The following TSNARE1 variants were observed in gnomAD, a reference collection of about 807,000 sequenced individuals.
The protein encoded by TSNARE1 is t-SNARE domain-containing protein 1.
A neutral mutation model predicts 62.0 loss-of-function variants in TSNARE1; 49 were observed. The ratio of observed to expected loss-of-function variants is 0.79; its 90% CI spans 0.63 to 1.00. TSNARE1 has a LOEUF of 1.00. Ranked by LOEUF, TSNARE1 falls within the 50% of genes least tolerant of loss-of-function variation. TSNARE1 has a pLI of 0.00. For synonymous variants in TSNARE1, 328 were observed against 294.4 expected (o/e 1.11, Z -1.17); for missense variants, 755 against 700.1 (o/e 1.08, Z -0.88).
chr8:142,217,142 C>G (rs1815877375), intron 13 of TSNARE1, among the ~76,000 whole-genome samples: 1 of 151,914 alleles, frequency 6.6e-6, no homozygotes, highest in Non-Finnish European at 1.5e-5. Context: ...ACTCAGGAGG[C>G]TGAGGCAAGA....
In TSNARE1 at chr8:142,331,701, G is replaced by A; in HGVS notation, c.823+53C>T. ...CACCCTCGCCTCCAATGTCGCATCA[G>A]TGGTCCAGGGTGCCTGGATGGAGGG... is the stretch of plus-strand genomic sequence containing the variant. On this transcript the variant is annotated intron_variant, in intron 5 of 13. Coordinates refer to ENST00000524325, the MANE Select transcript of TSNARE1 (RefSeq NM_145003.5). 3 of 1,504,406 alleles carry A rather than the reference G, an allele frequency of 2.0e-6. No homozygotes were observed. In the East Asian group the frequency reaches 7.3e-5, roughly 37 times the overall value. The allele number at this position is 1,504,406 out of a possible 1,614,324, so 93.2% of individuals were successfully genotyped here.
At chr8:142,223,337 C>CTCGT (rs1816586090) in intron 13 of TSNARE1, among the ~76,000 whole-genome samples, 1 of 150,850 alleles carries the variant, frequency 6.6e-6, no homozygotes, top group African/African-American at 2.4e-5. Context: ...CACTCGTTCA[C>CTCGT]TCATTCACTC....
intron 12 of TSNARE1, chr8:142,271,410 C>T (rs1309651531): frequency 8.0e-7 from 1 of 1,244,240 alleles, no homozygotes; most frequent in Non-Finnish European, 1.0e-6. Context: ...CGGTGGGAGT[C>T]CAGCAGCTGC....
chr8:142,392,902 T>C (rs963018961), intron 1 of TSNARE1, among the ~76,000 whole-genome samples: 5 of 146,100 alleles, frequency 3.4e-5, no homozygotes, highest in South Asian at 2.1e-4. Flanking sequence ...ATTGCACCAC[T>C]GCACTCCAGC....
At chr8:142,310,441 T>A (rs1298043457) in intron 9 of TSNARE1, among the ~76,000 whole-genome samples, 2 of 151,364 alleles carry the variant, frequency 1.3e-5, no homozygotes, top group African/African-American at 2.5e-5. Context: ...CCACATCAAC[T>A]GTTTCCATTG....
At chr8:142,303,299 C>A (rs1029112318) in intron 9 of TSNARE1, among the ~76,000 whole-genome samples, 13 of 152,132 alleles carry the variant, frequency 8.5e-5, no homozygotes, top group African/African-American at 2.7e-4. Flanking sequence ...AGGGGGATCA[C>A]CTCCCCTGGA....
chr8:142,243,361 C>T (rs12545057), intron 12 of TSNARE1, among the ~76,000 whole-genome samples: 86,196 of 151,582 alleles, frequency 0.57, 26,591 homozygotes, highest in African/African-American at 0.82. Flanking sequence ...TAAGTGTCCC[C>T]CCAAAGTCGG....
At chr8:142,312,642 T>C (rs1054464102) in intron 9 of TSNARE1, among the ~76,000 whole-genome samples, 2 of 152,164 alleles carry the variant, frequency 1.3e-5, no homozygotes, top group African/African-American at 4.8e-5. Context: ...GTAAAGTACT[T>C]GTTGCTTGAC....
intron 1 of TSNARE1, among the ~76,000 whole-genome samples, chr8:142,361,280 G>A (rs994109547): frequency 1.3e-5 from 2 of 152,350 alleles, no homozygotes; most frequent in South Asian, 2.1e-4. Context: ...AAGCGGCATC[G>A]TGCTTGTCCC....
intron 12 of TSNARE1, among the ~76,000 whole-genome samples, chr8:142,260,091 C>G (rs1818781220): frequency 6.6e-6 from 1 of 151,990 alleles, no homozygotes; most frequent in African/African-American, 2.4e-5. Flanking sequence ...CTCCAGGAAG[C>G]CTCCCTTGAT....
intron 12 of TSNARE1, among the ~76,000 whole-genome samples, chr8:142,246,907 T>C (rs1307787746): frequency 6.6e-6 from 1 of 152,238 alleles, no homozygotes; most frequent in Non-Finnish European, 1.5e-5. Flanking sequence ...AAGACCATCA[T>C]GAAGGCTGCC....
At chr8:142,257,734 G>C (rs528535801) in intron 12 of TSNARE1, among the ~76,000 whole-genome samples, 11 of 152,060 alleles carry the variant, frequency 7.2e-5, no homozygotes, top group Non-Finnish European at 1.3e-4. Flanking sequence ...GCCTGGCCCT[G>C]GGGGTGCTAC....
chr8:142,320,078 C>T (rs1829251438), intron 6 of TSNARE1, among the ~76,000 whole-genome samples: 2 of 152,144 alleles, frequency 1.3e-5, no homozygotes, highest in Admixed American at 1.3e-4. Flanking sequence ...CCTCCTCACC[C>T]TGGGCTGCCA....
chr8:142,368,333 T>C lies in TSNARE1; in HGVS notation c.-39-13570A>G, dbSNP rs74387050. On this transcript the variant is annotated intron_variant, in intron 1 of 13. Transcript: ENST00000524325. ...AGGATATAAAACTGGTGCTTAAACA[T>C]GTGAAAAGATTGTTCAAGCTGACTC... Among the ~76,000 whole-genome samples, 922 of 152,050 alleles carry C rather than the reference T, an allele frequency of 6.1e-3. 7 individuals carry two copies. Among genetic ancestry groups the C allele is most frequent in the Non-Finnish European group, 9.0e-3 (609 of 67,996 alleles).
intron 12 of TSNARE1, among the ~76,000 whole-genome samples, chr8:142,265,413 G>C (rs1021416424): frequency 3.9e-5 from 6 of 152,196 alleles, no homozygotes; most frequent in Non-Finnish European, 8.8e-5. Context: ...CGTCTGAGTT[G>C]CTGGCATTTC....
At chr8:142,243,532 G>A (rs1335581042) in intron 12 of TSNARE1, among the ~76,000 whole-genome samples, 1 of 147,588 alleles carries the variant, frequency 6.8e-6, no homozygotes, top group Admixed American at 6.7e-5. Context: ...TCACTTATAC[G>A]TAAAATCTAA....
At chr8:142,245,093 A>C (rs1428791532) in intron 12 of TSNARE1, among the ~76,000 whole-genome samples, 1 of 152,248 alleles carries the variant, frequency 6.6e-6, no homozygotes, top group Non-Finnish European at 1.5e-5. Flanking sequence ...CCTCGTTAGT[A>C]ATCAGGGAAA....
intron 10 of TSNARE1, among the ~76,000 whole-genome samples, chr8:142,295,997 A>T (rs1394504443): frequency 1.8e-5 from 1 of 54,224 alleles, no homozygotes. Context: ...CTGTCATGGG[A>T]GGGGGGAGGT....
intron 13 of TSNARE1, among the ~76,000 whole-genome samples, chr8:142,219,062 G>A (rs1168157623): frequency 6.6e-6 from 1 of 152,132 alleles, no homozygotes; most frequent in Non-Finnish European, 1.5e-5. Context: ...TCTTGCTGCG[G>A]TTAGAAAACA....
Sources: gnomAD v4.1 joint callset for allele counts (sites outside exome capture counted in the v4.1 genomes callset) on GRCh38, gnomAD v4.1.1 for gene constraint, MANE v1.5 for transcripts, NCBI Gene and HGNC (gene_info 2026-07-23, HGNC 2026-07-21) for gene names.